Variants in SERPINB5 observed in about 807,000 individuals in gnomAD.
SERPINB5 encodes serpin family B member 5.
In SERPINB5, 27 loss-of-function variants were observed where a neutral mutation model predicts 32.2. That is an observed-to-expected ratio of 0.84 (90% confidence interval 0.62 to 1.16). SERPINB5 has a LOEUF of 1.16. Among genes scored for constraint, SERPINB5 ranks in the 50% most tolerant of loss-of-function variants. SERPINB5 has a pLI of 0.00. For missense variants in SERPINB5, 388 were observed against 436.3 expected, an observed-to-expected ratio of 0.89 and a Z score of 0.99; for synonymous variants, 154 against 157.4, an observed-to-expected ratio of 0.98 and a Z score of 0.16.
chr18:63,502,972 G>A (rs182389648), intron 6 of SERPINB5, among the ~76,000 whole-genome samples: 2 of 152,100 alleles, frequency 1.3e-5, no homozygotes, highest in Admixed American at 6.6e-5. Flanking sequence ...TGCAATGAGC[G>A]ACGATCACAC....
At chr18:63,495,082 C>T (rs1305966194) in intron 5 of SERPINB5, among the ~76,000 whole-genome samples, 1 of 152,212 alleles carries the variant, frequency 6.6e-6, no homozygotes, top group African/African-American at 2.4e-5. Flanking sequence ...TCAAAATATC[C>T]ATGGGAGCTG....
chr18:63,503,224 C>G (rs867932134), intron 6 of SERPINB5, 106 bp from the exon 7 acceptor site: 7 of 1,278,698 alleles, frequency 5.5e-6, no homozygotes, highest in Middle Eastern at 2.6e-4. Context: ...TCCACCCAGA[C>G]TGCTTTGAAG....
At position 63,499,750 on chromosome 18, in the gene SERPINB5, A is replaced by G. The variant is rs536931351; in HGVS notation, c.735+463A>G. Among the ~76,000 whole-genome samples the G allele has an allele frequency of 9.2e-5, 14 of 152,224 alleles. 1 individual carries two copies. In the East Asian group the frequency reaches 2.7e-3, roughly 29 times the overall value. ...TAGGCAGTTAAGGCACTACGTTGCT[A>G]CGCACTGCCAGGTCCACTATCATGT... On this transcript the variant is annotated intron_variant, in intron 6 of 6. Coordinates refer to ENST00000382771, the MANE Select transcript of SERPINB5 (RefSeq NM_002639.5).
Position 63,504,092 on chromosome 18 carries a change from C to T in SERPINB5, c.*370C>T, listed in dbSNP as rs1175154321. The T allele has an allele frequency of 8.7e-6, 2 of 229,372 alleles. No individual in the cohort carries two copies. The highest frequency in any genetic ancestry group is 4.7e-5 in the African/African-American group (2 of 42,230). The allele number at this position is 229,372 out of a possible 1,614,324, so 14.2% of individuals were successfully genotyped here. A position where few individuals can be genotyped will look rare whatever the true frequency, so the allele number is the denominator to read the frequency against. On this transcript the variant is annotated 3_prime_UTR_variant, in exon 7 of 7. Transcript: ENST00000382771. ...CTCTTCTTCCCAGCACTATGCTTTC[C>T]TTCTTTGGGATAGAGAATGTTCCAG...
At chr18:63,502,006 C>T (rs893101589) in intron 6 of SERPINB5, among the ~76,000 whole-genome samples, 3 of 152,138 alleles carry the variant, frequency 2.0e-5, no homozygotes, top group Non-Finnish European at 2.9e-5. Context: ...CCTGTTCACT[C>T]TGATGGTAGT....
At chr18:63,483,961 A>G (rs996912473) in intron 1 of SERPINB5, among the ~76,000 whole-genome samples, 1 of 152,272 alleles carries the variant, frequency 6.6e-6, no homozygotes, top group Non-Finnish European at 1.5e-5. Context: ...AATTCAACCC[A>G]TTACACTTAC....
At chr18:63,479,686 T>C (rs968168464) in intron 1 of SERPINB5, among the ~76,000 whole-genome samples, 3 of 152,102 alleles carry the variant, frequency 2.0e-5, no homozygotes, top group African/African-American at 7.2e-5. Flanking sequence ...AACTGACAGC[T>C]CCTTGGAGGC....
chr18:63,500,096 C>T (rs1909541067), intron 6 of SERPINB5, among the ~76,000 whole-genome samples: 1 of 152,046 alleles, frequency 6.6e-6, no homozygotes, highest in Non-Finnish European at 1.5e-5. Flanking sequence ...TCACTCTAAC[C>T]TCAAACTCCT....
chr18:63,486,755 G>A (rs1917219968), intron 2 of SERPINB5, 191 bp from the exon 3 acceptor site: 2 of 530,326 alleles, frequency 3.8e-6, no homozygotes, highest in African/African-American at 1.9e-5. Context: ...ATCCTGCAGT[G>A]CCCAGGACAG....
chr18:63,486,762 A>G, intron 2 of SERPINB5, 184 bp from the exon 3 acceptor site: 2 of 553,762 alleles, frequency 3.6e-6, no homozygotes. Context: ...AGTGCCCAGG[A>G]CAGCCCCACA....
At chr18:63,497,932 A>C (rs1361538197) in intron 5 of SERPINB5, among the ~76,000 whole-genome samples, 3 of 152,314 alleles carry the variant, frequency 2.0e-5, no homozygotes, top group Admixed American at 6.5e-5. Context: ...GGGACTAAAA[A>C]CCAAGGTTCT....
intron 1 of SERPINB5, among the ~76,000 whole-genome samples, chr18:63,481,102 C>T (rs1230697808): frequency 6.6e-6 from 1 of 152,198 alleles, no homozygotes; most frequent in African/African-American, 2.4e-5. Context: ...ATTTACATCT[C>T]CAACAGGGAC....
intron 5 of SERPINB5, among the ~76,000 whole-genome samples, chr18:63,495,787 T>C (rs1364835572): frequency 6.6e-6 from 1 of 152,236 alleles, no homozygotes; most frequent in African/African-American, 2.4e-5. Flanking sequence ...GTTTGAAATG[T>C]CATTGATCTC....
At chr18:63,486,618 C>T (rs1205539399) in intron 2 of SERPINB5, 3 of 216,220 alleles carry the variant, frequency 1.4e-5, no homozygotes, top group Non-Finnish European at 2.8e-5. Context: ...TAGTGTTTCT[C>T]AGTGGGGACA....
intron 6 of SERPINB5, among the ~76,000 whole-genome samples, chr18:63,502,745 G>A (rs1191680592): frequency 6.6e-6 from 1 of 152,136 alleles, no homozygotes; most frequent in Non-Finnish European, 1.5e-5. Flanking sequence ...AAGGTTGGGT[G>A]CGGTGGCTCA....
At chr18:63,493,488 T>G (rs1909383218) in intron 5 of SERPINB5, 1 of 426,566 alleles carries the variant, frequency 2.3e-6, no homozygotes, top group Admixed American at 4.0e-5. Flanking sequence ...CCTGATTGAT[T>G]AACTTCTCTA....
At chr18:63,501,198 C>G (rs950895193) in intron 6 of SERPINB5, among the ~76,000 whole-genome samples, 10 of 126,932 alleles carry the variant, frequency 7.9e-5, no homozygotes, top group Admixed American at 7.6e-4. Context: ...CCCCCCTCCC[C>G]CCACCCCACA....
intron 4 of SERPINB5, among the ~76,000 whole-genome samples, chr18:63,492,631 A>T (rs1435431316): frequency 6.6e-6 from 1 of 152,222 alleles, no homozygotes; most frequent in Non-Finnish European, 1.5e-5. Flanking sequence ...AAGTAGGAAG[A>T]AATATATATA....
chr18:63,499,374 T>A lies in SERPINB5; in HGVS notation c.735+87T>A, dbSNP rs1339446403. The A allele has an allele frequency of 4.1e-6, 5 of 1,226,632 alleles. No individual in the cohort carries two copies. In the Admixed American group the frequency reaches 1.5e-4, roughly 38 times the overall value. 76.0% of individuals were successfully genotyped at this position (1,226,632 alleles called of 1,614,324 possible). ...ACAGGTCTGTGTGGGCCGTGAGAGC[T>A]GGGCCGGTAGCCCTCCCTTATTGCC... On this transcript the variant is annotated intron_variant, in intron 6 of 6. Transcript: ENST00000382771.
Sources: allele counts gnomAD v4.1 joint callset (sites outside exome capture counted in the v4.1 genomes callset), GRCh38; gene constraint gnomAD v4.1.1; transcripts MANE v1.5; gene names NCBI Gene and HGNC (gene_info 2026-07-23, HGNC 2026-07-21).